SH3GL2: variants seen among roughly 807,000 people sequenced by gnomAD.
SH3GL2 encodes the protein SH3 domain containing GRB2 like 2, endophilin A1.
SH3GL2 carries 24 observed loss-of-function variants against 46.0 expected under a neutral mutation model. The ratio of observed to expected loss-of-function variants is 0.52; its 90% CI spans 0.38 to 0.73. The LOEUF (loss-of-function observed/expected upper bound fraction) is 0.73. Among genes scored for constraint, SH3GL2 ranks in the 30% least tolerant of loss-of-function variants. SH3GL2 has a pLI of 0.00. For missense variants in SH3GL2, 413 were observed against 424.2 expected (o/e 0.97, Z 0.23); for synonymous variants, 196 against 147.1 (o/e 1.33, Z -2.40).
intron 1 of SH3GL2, among the ~76,000 whole-genome samples, chr9:17,581,620 A>G (rs1316516901): frequency 6.6e-6 from 1 of 152,202 alleles, no homozygotes; most frequent in Non-Finnish European, 1.5e-5. Flanking sequence ...TGTTATCTAC[A>G]GAGAAGCTTT....
intron 3 of SH3GL2, 55 bp downstream of exon 3, chr9:17,761,564 C>A: frequency 9.6e-7 from 1 of 1,036,804 alleles, no homozygotes; most frequent in Non-Finnish European, 1.5e-6. Flanking sequence ...TTTAGTTTCT[C>A]TTTGATAGAC....
Position 17,789,425 on chromosome 9 carries a change from G to T in SH3GL2, c.499G>T (p.Asp167Tyr), listed in dbSNP as rs771751756. The T allele has an allele frequency of 1.2e-6, 2 of 1,613,098 alleles. No homozygotes were observed. Among genetic ancestry groups the T allele is most frequent in the African/African-American group, 2.7e-5 (2 of 74,836 alleles). Reference sequence around the variant, plus strand: ...AAAGAAGTTGGAGGGTCGACGCCTGGATTTTGATTATAAGAAGAAACGACA... The same window carrying T: ...AAAGAAGTTGGAGGGTCGACGCCTGTATTTTGATTATAAGAAGAAACGACA... Reference protein sequence around the residue: ...HLKKLEGRRLDFDYKKKRQGK... With the variant: ...HLKKLEGRRLYFDYKKKRQGK... Residue 167 changes from aspartate (D) to tyrosine (Y), a missense_variant, in exon 6 of 9, where the codon GAT becomes TAT. Asp to Tyr is a radical substitution (Grantham distance 160). Coordinates refer to ENST00000380607, the MANE Select transcript of SH3GL2 (RefSeq NM_003026.5).
chr9:17,746,444 A>G (rs763625413), intron 1 of SH3GL2, among the ~76,000 whole-genome samples: 16 of 152,360 alleles, frequency 1.1e-4, no homozygotes, highest in Non-Finnish European at 1.9e-4. Flanking sequence ...TGACAAACAT[A>G]AAATGTATCA....
chr9:17,672,130 C>T (rs557081997), intron 1 of SH3GL2, among the ~76,000 whole-genome samples: 1 of 152,120 alleles, frequency 6.6e-6, no homozygotes, highest in Non-Finnish European at 1.5e-5. Flanking sequence ...GAGGTAAATA[C>T]AATTGTTTAA....
At chr9:17,675,035 T>C (rs1354929737) in intron 1 of SH3GL2, among the ~76,000 whole-genome samples, 1 of 152,222 alleles carries the variant, frequency 6.6e-6, no homozygotes, top group Non-Finnish European at 1.5e-5. Flanking sequence ...TGTGATTGTT[T>C]GTTGCTGTCA....
At chr9:17,647,595 G>T (rs1411673946) in intron 1 of SH3GL2, among the ~76,000 whole-genome samples, 1 of 152,126 alleles carries the variant, frequency 6.6e-6, no homozygotes, top group Admixed American at 6.5e-5. Context: ...CTAGCTTGTT[G>T]CAAAGGTTAA....
intron 2 of SH3GL2, among the ~76,000 whole-genome samples, chr9:17,747,465 G>A (rs773528020): frequency 1.3e-5 from 2 of 152,082 alleles, no homozygotes; most frequent in Non-Finnish European, 2.9e-5. Context: ...AGAAGCTGCA[G>A]AATGACATCC....
chr9:17,725,949 C>T (rs1588276499), intron 1 of SH3GL2, among the ~76,000 whole-genome samples: 1 of 152,056 alleles, frequency 6.6e-6, no homozygotes, highest in African/African-American at 2.4e-5. Flanking sequence ...AGCAAAGTTT[C>T]CATCACAGAG....
intron 1 of SH3GL2, among the ~76,000 whole-genome samples, chr9:17,619,593 G>T (rs557666537): frequency 6.6e-6 from 1 of 151,922 alleles, no homozygotes; most frequent in African/African-American, 2.4e-5. Flanking sequence ...CAGGAGATTC[G>T]TTTGAACCCG....
chr9:17,664,876 C>G (rs1001501390), intron 1 of SH3GL2, among the ~76,000 whole-genome samples: 2 of 151,576 alleles, frequency 1.3e-5, no homozygotes, highest in African/African-American at 2.4e-5. Flanking sequence ...ATTCAAACCA[C>G]AAGGGAATAT....
chr9:17,674,041 A>G (rs1345472552), intron 1 of SH3GL2, among the ~76,000 whole-genome samples: 1 of 152,178 alleles, frequency 6.6e-6, no homozygotes, highest in East Asian at 1.9e-4. Context: ...GGCTCTTGAA[A>G]TCATTATGAA....
intron 1 of SH3GL2, among the ~76,000 whole-genome samples, chr9:17,649,055 C>A (rs1272932355): frequency 6.6e-6 from 1 of 151,926 alleles, no homozygotes; most frequent in African/African-American, 2.4e-5. Context: ...GCTTTTTTTC[C>A]TTTTTCTCTT....
At chr9:17,746,571 T>C (rs113010651) in intron 1 of SH3GL2, among the ~76,000 whole-genome samples, 3 of 152,350 alleles carry the variant, frequency 2.0e-5, no homozygotes, top group African/African-American at 7.2e-5. Context: ...ACAAGTACTT[T>C]TGTCTGAAGA....
chr9:17,582,201 G>GT (rs1275861972), intron 1 of SH3GL2, among the ~76,000 whole-genome samples: 25 of 152,074 alleles, frequency 1.6e-4, no homozygotes, highest in Non-Finnish European at 2.9e-5. Flanking sequence ...CAATTTGGAG[G>GT]TAAAAAAATG....
chr9:17,753,149 A>T (rs979914562), intron 2 of SH3GL2, among the ~76,000 whole-genome samples: 1 of 152,190 alleles, frequency 6.6e-6, no homozygotes, highest in Non-Finnish European at 1.5e-5. Context: ...TGCTATTACG[A>T]ATAGTGCTGC....
chr9:17,786,605 C>A, intron 4 of SH3GL2, 81 bp downstream of exon 4: 1 of 1,417,628 alleles, frequency 7.1e-7, no homozygotes, highest in Non-Finnish European at 9.8e-7. Context: ...TGTAGGGAAT[C>A]GGTCAAATCA....
intron 1 of SH3GL2, among the ~76,000 whole-genome samples, chr9:17,628,414 GTGTGTGTGTGTGT>G (rs1819337413): frequency 1.1e-4 from 4 of 35,100 alleles, no homozygotes; most frequent in African/African-American, 2.9e-4. Flanking sequence ...TATCTTGGGT[GTGTGTGTGTGTGT>G]GTGTGTGTGT....
intron 1 of SH3GL2, among the ~76,000 whole-genome samples, chr9:17,595,639 C>G (rs753543558): frequency 2.0e-5 from 3 of 152,126 alleles, no homozygotes; most frequent in Non-Finnish European, 4.4e-5. Flanking sequence ...TTGTAAACAA[C>G]CTCAATAAGG....
At position 17,743,538 on chromosome 9, in the gene SH3GL2, TTTCCCTCTCTTC is replaced by T. The variant is rs928127360; in HGVS notation, c.46-3517_46-3506del. Among the ~76,000 whole-genome samples the T allele has an allele frequency of 6.0e-5, 9 of 149,840 alleles. No individual in the cohort carries two copies. In the East Asian group the frequency reaches 1.8e-3, roughly 30 times the overall value. On this transcript the variant is annotated intron_variant, in intron 1 of 8. Transcript: ENST00000380607. ...TGAGGCACTCCTCCCTCCTTCTTCC[TTTCCCTCTCTTC>T]TTCCCTCTCTCTTTTGTGAACACAC...
Sources: gnomAD v4.1 joint callset for allele counts (sites outside exome capture counted in the v4.1 genomes callset) on GRCh38, gnomAD v4.1.1 for gene constraint, MANE v1.5 for transcripts, NCBI Gene and HGNC (gene_info 2026-07-23, HGNC 2026-07-21) for gene names.